INPP5D: variants seen among roughly 807,000 people sequenced by gnomAD.
INPP5D encodes the protein phosphatidylinositol 3,4,5-trisphosphate 5-phosphatase 1.
Under a neutral mutation model 122.9 loss-of-function variants are expected in INPP5D, and 33 were observed. That is an observed-to-expected ratio of 0.27 (90% CI 0.20 to 0.36). The LOEUF (loss-of-function observed/expected upper bound fraction) is 0.36, where lower values mean the gene tolerates loss of function less well. Among genes scored for constraint, INPP5D ranks in the 10% least tolerant of loss-of-function variants. The probability of loss-of-function intolerance (pLI) is 1.00; values close to 1 mark genes in which losing one functional copy is unlikely to be tolerated. For synonymous variants in INPP5D, 584 were observed against 576.2 expected, an observed-to-expected ratio of 1.01 and a Z score of -0.19; for missense variants, 1,053 against 1,412.7, an observed-to-expected ratio of 0.75 and a Z score of 4.08.
intron 2 of INPP5D, among the ~76,000 whole-genome samples, chr2:233,089,259 G>A (rs527467558): frequency 5.3e-4 from 80 of 152,338 alleles, no homozygotes; most frequent in African/African-American, 1.8e-3. Flanking sequence ...GTTGCCTTTT[G>A]TTGAGCCCCT....
At chr2:233,165,583 TGTGA>T (rs747758255) in intron 13 of INPP5D, among the ~76,000 whole-genome samples, 12 of 152,002 alleles carry the variant, frequency 7.9e-5, no homozygotes, top group South Asian at 2.1e-4. Flanking sequence ...CATGTGTGTT[TGTGA>T]GTGTGTGTTT....
At chr2:233,120,131 A>T (rs765037095) in intron 2 of INPP5D, among the ~76,000 whole-genome samples, 3 of 152,230 alleles carry the variant, frequency 2.0e-5, no homozygotes, top group Non-Finnish European at 2.9e-5. Context: ...CCCCCAGAGG[A>T]GCAGTGAGAT....
At chr2:233,182,860 T>C (rs1694818500) in intron 19 of INPP5D, among the ~76,000 whole-genome samples, 1 of 152,246 alleles carries the variant, frequency 6.6e-6, no homozygotes, top group Non-Finnish European at 1.5e-5. Flanking sequence ...TGTTTTAACA[T>C]GTTTTACATT....
rs796742030 is a variant in INPP5D, at chr2:233,137,897, T to TAC, written c.666-1929_666-1928dup. 1.5e-3 allele frequency among the ~76,000 whole-genome samples: 68 copies of TAC among 44,506 alleles called. 4 individuals carry two copies. Among genetic ancestry groups the TAC allele is most frequent in the African/African-American group, 4.5e-3 (57 of 12,756 alleles). The allele number at this position is 44,506 out of a possible 152,430, so 29.2% of individuals were successfully genotyped here. On this transcript the variant is annotated intron_variant, in intron 5 of 26. Coordinates refer to ENST00000445964, the MANE Select transcript of INPP5D (RefSeq NM_001017915.3). Reference sequence around the variant, plus strand: ...ATATATATATATATATATATATATATACACACACACACACACATACACATA... The same window carrying TAC: ...ATATATATATATATATATATATATATACACACACACACACACACATACACATA...
intron 2 of INPP5D, among the ~76,000 whole-genome samples, chr2:233,113,912 T>TTC: frequency 6.8e-6 from 1 of 148,104 alleles, no homozygotes; most frequent in East Asian, 2.0e-4. Context: ...CACTCTTTTT[T>TTC]TTTTTTTTTT....
At chr2:233,118,370 C>A (rs1034696714) in intron 2 of INPP5D, among the ~76,000 whole-genome samples, 3 of 152,206 alleles carry the variant, frequency 2.0e-5, no homozygotes, top group East Asian at 3.9e-4. Context: ...CCAGACCATG[C>A]TCCTCACCAC....
chr2:233,152,110 C>A (rs1693938939), intron 9 of INPP5D, among the ~76,000 whole-genome samples: 1 of 152,172 alleles, frequency 6.6e-6, no homozygotes, highest in African/African-American at 2.4e-5. Context: ...AGCTACTTAA[C>A]TCCTCAAAGC....
In INPP5D at chr2:233,170,493, C is replaced by T; in HGVS notation, c.1792-3C>T. The T allele has an allele frequency of 6.2e-7, 1 of 1,613,710 alleles. No individual in the cohort carries two copies. Among genetic ancestry groups the T allele is most frequent in the Non-Finnish European group, 8.5e-7 (1 of 1,179,806 alleles). On this transcript the variant is annotated splice_polypyrimidine_tract_variant and splice_region_variant and intron_variant, in intron 15 of 26. Coordinates refer to ENST00000445964, the MANE Select transcript of INPP5D (RefSeq NM_001017915.3). This position sits in a 1 kb window ranked among gnomAD's most constrained non-coding sequence, Gnocchi z 4.5. ...CAGAGGCCCGGGCATGTTCTTGTTC[C>T]AGGAGGCAGAAACCATCATCCAGAA...
At chr2:233,194,003 A>T (rs747581895) in intron 23 of INPP5D, 42 bp downstream of exon 23, 6 of 1,530,224 alleles carry the variant, frequency 3.9e-6, no homozygotes, top group Non-Finnish European at 3.5e-6. Context: ...TCAGCCCCCC[A>T]CTTAGGGACG....
intron 5 of INPP5D, chr2:233,133,933 A>G (rs1192076988): frequency 2.2e-6 from 1 of 455,974 alleles, no homozygotes; most frequent in African/African-American, 2.0e-5. Context: ...GCTCTGGCAC[A>G]TGCGGCTCAA....
chr2:233,177,159 C>A lies in INPP5D; in HGVS notation c.1990-106C>A. 1 of 1,458,022 alleles carries A rather than the reference C, an allele frequency of 6.9e-7. No homozygotes were observed. The highest frequency in any genetic ancestry group is 9.3e-7 in the Non-Finnish European group (1 of 1,072,922). 90.3% of individuals were successfully genotyped at this position (1,458,022 alleles called of 1,614,324 possible). ...GGGAAATTCTATAAAAAGCCAACAG[C>A]CGATGAATTTGAGGATTACAGAGGC... is the stretch of plus-strand genomic sequence containing the variant. On this transcript the variant is annotated intron_variant, in intron 17 of 26. Coordinates refer to ENST00000445964, the MANE Select transcript of INPP5D (RefSeq NM_001017915.3). This position sits in a 1 kb window ranked among gnomAD's most constrained non-coding sequence, Gnocchi z 4.2.
chr2:233,173,157 C>T (rs931612234), intron 17 of INPP5D, among the ~76,000 whole-genome samples: 4 of 150,566 alleles, frequency 2.7e-5, no homozygotes, highest in Non-Finnish European at 4.4e-5. Context: ...TGCAGTGAGC[C>T]GAGATCGCGC....
intron 1 of INPP5D, among the ~76,000 whole-genome samples, chr2:233,071,585 T>G (rs1691385424): frequency 6.6e-6 from 1 of 152,226 alleles, no homozygotes. Context: ...AAACTACTAT[T>G]GGGACTTTGA....
rs1239045286 is a variant in INPP5D, at chr2:233,197,393, G to GT, written c.2694-701dup. 1.3e-5 allele frequency among the ~76,000 whole-genome samples: 2 copies of GT among 152,116 alleles called. No homozygotes were observed. Among genetic ancestry groups the GT allele is most frequent in the African/African-American group, 4.8e-5 (2 of 41,410 alleles). On this transcript the variant is annotated intron_variant, in intron 24 of 26. Coordinates refer to ENST00000445964, the MANE Select transcript of INPP5D (RefSeq NM_001017915.3). The surrounding 1 kb of genome is among the most constrained non-coding windows in gnomAD (Gnocchi z 4.4). ...CTATGCTGACGCTGCACACACAAAT[G>GT]TGTGAGCTGATGTGTTCCAGAGGAA...
At chr2:233,091,410 G>T (rs766804997) in intron 2 of INPP5D, among the ~76,000 whole-genome samples, 3 of 152,164 alleles carry the variant, frequency 2.0e-5, no homozygotes, top group African/African-American at 4.8e-5. Context: ...CTCTCACTGG[G>T]CTCAGGTCAA....
intron 9 of INPP5D, among the ~76,000 whole-genome samples, chr2:233,152,864 G>A (rs889305818): frequency 5.3e-5 from 2 of 37,854 alleles, no homozygotes; most frequent in South Asian, 1.6e-3. Flanking sequence ...GTTTTCAGCT[G>A]GGGGGGGTGT....
At chr2:233,113,809 C>T (rs552513470) in intron 2 of INPP5D, among the ~76,000 whole-genome samples, 11 of 152,246 alleles carry the variant, frequency 7.2e-5, no homozygotes, top group African/African-American at 9.6e-5. Flanking sequence ...GGACGCCCAG[C>T]GTCCACACCG....
At chr2:233,146,617 C>T (rs1693768024) in intron 8 of INPP5D, among the ~76,000 whole-genome samples, 179 bp downstream of exon 8, 1 of 152,188 alleles carries the variant, frequency 6.6e-6, no homozygotes, top group African/African-American at 2.4e-5. Flanking sequence ...AACGTCAGAA[C>T]GGGCACCCAG....
intron 1 of INPP5D, among the ~76,000 whole-genome samples, chr2:233,069,304 G>A (rs1243031913): frequency 6.6e-6 from 1 of 152,136 alleles, no homozygotes; most frequent in African/African-American, 2.4e-5. Flanking sequence ...AGTGGCAATG[G>A]AGAAACAAAT....
Sources: gnomAD v4.1 joint callset for allele counts (sites outside exome capture counted in the v4.1 genomes callset) on GRCh38, gnomAD v4.1.1 for gene constraint, Gnocchi (gnomAD v3.1) non-coding constraint, MANE v1.5 for transcripts, NCBI Gene and HGNC (gene_info 2026-07-23, HGNC 2026-07-21) for gene names.